TSGA10IP: variants seen among roughly 807,000 people sequenced by gnomAD.
The protein encoded by TSGA10IP is testis specific 10 interacting protein.
TSGA10IP carries 64 observed loss-of-function variants against 63.2 expected under a neutral mutation model. The ratio of observed to expected loss-of-function variants is 1.01; its 90% confidence interval spans 0.83 to 1.25. The LOEUF (loss-of-function observed/expected upper bound fraction) is 1.25. Ranked by LOEUF, TSGA10IP falls within the 50% of genes most tolerant of loss-of-function variation. TSGA10IP has a pLI of 0.00. For missense variants in TSGA10IP, 681 were observed against 710.1 expected, an observed-to-expected ratio of 0.96 and a Z score of 0.47; for synonymous variants, 316 against 298.3, an observed-to-expected ratio of 1.06 and a Z score of -0.61.
chr11:65,949,885 G>C (rs1180701820), intron 4 of TSGA10IP, among the ~76,000 whole-genome samples: 1 of 86,664 alleles, frequency 1.2e-5, no homozygotes, highest in Admixed American at 1.9e-4. Flanking sequence ...ACAGAGTCTT[G>C]CTCTGTTCCC....
chr11:65,958,120 AT>A (rs1018463038), intron 5 of TSGA10IP, among the ~76,000 whole-genome samples: 1 of 151,938 alleles, frequency 6.6e-6, no homozygotes, highest in African/African-American at 2.4e-5. Flanking sequence ...TGTCTGGCTA[AT>A]TTTTGTAGAG....
intron 4 of TSGA10IP, among the ~76,000 whole-genome samples, chr11:65,949,822 C>A (rs1235774905): frequency 6.9e-6 from 1 of 145,498 alleles, no homozygotes; most frequent in East Asian, 2.1e-4. Flanking sequence ...AGGTCTAAAT[C>A]AAACTAATTA....
exon 3 of TSGA10IP, chr11:65,947,487 G>A (rs1854859488): frequency 6.2e-7 from 1 of 1,613,296 alleles, no homozygotes; most frequent in Non-Finnish European, 8.5e-7. Context: ...CAAAGCCTGG[G>A]TGCTGAGGAG....
intron 4 of TSGA10IP, among the ~76,000 whole-genome samples, chr11:65,950,642 A>C (rs1854926659): frequency 6.6e-6 from 1 of 151,502 alleles, no homozygotes; most frequent in South Asian, 2.1e-4. Flanking sequence ...AGCTCACTGC[A>C]AGCTCCGCCT....
At chr11:65,947,734 A>C in exon 3 of TSGA10IP, 1 of 1,592,638 alleles carries the variant, frequency 6.3e-7, no homozygotes, top group Non-Finnish European at 8.5e-7. Context: ...ACAACCTCCG[A>C]AGGCGACAAT....
Position 65,949,729 on chromosome 11 carries a change from A to T in TSGA10IP, c.1151+1581A>T, listed in dbSNP as rs181046439. 2.1e-3 allele frequency among the ~76,000 whole-genome samples: 311 copies of T among 151,450 alleles called. 3 individuals carry two copies. Among genetic ancestry groups the T allele is most frequent in the African/African-American group, 6.4e-3 (266 of 41,284 alleles). On this transcript the variant is annotated intron_variant, in intron 4 of 7. Transcript: ENST00000532620. ...TGCGCCCAGCCACAATTCTTTTTTT[A>T]AAATTTATTTTATGTAATTGATAAA...
At chr11:65,947,001 C>T in exon 2 of TSGA10IP, 2 of 1,613,966 alleles carry the variant, frequency 1.2e-6, no homozygotes, top group Non-Finnish European at 1.7e-6. Context: ...GGACAGGGCT[C>T]TGAAGAGTCT....
At chr11:65,955,980 T>C (rs573278448) in intron 5 of TSGA10IP, among the ~76,000 whole-genome samples, 18 of 152,024 alleles carry the variant, frequency 1.2e-4, no homozygotes, top group Admixed American at 9.8e-4. Flanking sequence ...ACCAGTGCCA[T>C]TGATTTGAGC....
intron 5 of TSGA10IP, among the ~76,000 whole-genome samples, chr11:65,956,813 G>A (rs1405935327): frequency 6.6e-6 from 1 of 152,170 alleles, no homozygotes. Flanking sequence ...ACAGGCGTGA[G>A]CCACCGCGCC....
At chr11:65,946,008 G>T in intron 1 of TSGA10IP, 186 bp downstream of exon 1, 1 of 645,072 alleles carries the variant, frequency 1.6e-6, no homozygotes, top group Non-Finnish European at 2.6e-6. Context: ...GAGGGATGAC[G>T]CCCAGGAGTG....
exon 1 of TSGA10IP, chr11:65,945,652 G>GGTGC: frequency 6.2e-7 from 1 of 1,610,392 alleles, no homozygotes; most frequent in Non-Finnish European, 8.5e-7. Flanking sequence ...GCAGTTCTAC[G>GGTGC]GTGCGGATGG....
exon 7 of TSGA10IP, chr11:65,959,211 A>C (rs1175888856): frequency 6.2e-7 from 1 of 1,606,052 alleles, no homozygotes; most frequent in African/African-American, 1.3e-5. Context: ...GCTCACCGTC[A>C]CTCGGCGCTT....
rs780568148 is a variant in TSGA10IP, at chr11:65,947,831, G to A, written c.1003+3G>A. 1.3e-6 allele frequency: 2 copies of A among 1,547,322 alleles called. No homozygotes were observed. The highest frequency in any genetic ancestry group is 1.7e-6 in the Non-Finnish European group (2 of 1,145,836). ...GCTACAGAGAGACCTGGACTGTGGTGAGCGTGGGGCTCAGAGCCTGGATTC... is the reference window on the plus strand; with the variant it reads ...GCTACAGAGAGACCTGGACTGTGGTAAGCGTGGGGCTCAGAGCCTGGATTC... On this transcript the variant is annotated splice_donor_region_variant and intron_variant, in intron 3 of 7. Coordinates refer to ENST00000532620, the Ensembl canonical transcript of TSGA10IP.
chr11:65,955,837 G>A (rs890001850), intron 5 of TSGA10IP, among the ~76,000 whole-genome samples: 3 of 152,112 alleles, frequency 2.0e-5, no homozygotes, highest in Non-Finnish European at 4.4e-5. Flanking sequence ...AGCAGAATTG[G>A]GTTCCAGCCA....
intron 4 of TSGA10IP, among the ~76,000 whole-genome samples, chr11:65,951,516 A>ATTTTATTAT (rs1854940754): frequency 1.7e-5 from 1 of 59,234 alleles, no homozygotes; most frequent in African/African-American, 6.6e-5. Context: ...TTATTTGCTT[A>ATTTTATTAT]TTTTATTATT....
chr11:65,953,664 C>A, exon 5 of TSGA10IP: 1 of 1,591,632 alleles, frequency 6.3e-7, no homozygotes, highest in South Asian at 1.1e-5. Context: ...GCAGGTGGCC[C>A]ACTGCCTGGC....
chr11:65,956,859 G>A (rs549797847), intron 5 of TSGA10IP, among the ~76,000 whole-genome samples: 1 of 152,298 alleles, frequency 6.6e-6, no homozygotes, highest in South Asian at 2.1e-4. Flanking sequence ...GAGGCAGGAA[G>A]TGTAAGGTTC....
rs528780458 is a variant in TSGA10IP at position 65,947,244 on chromosome 11, C to T, written c.419C>T (p.Ser140Leu). Residue 140 changes from serine to leucine, a missense_variant, in exon 3 of 8, where the codon TCG becomes TTG. By Grantham distance (145) the Ser-to-Leu change is moderately radical (BLOSUM62 -2). Coordinates refer to ENST00000532620, the Ensembl canonical transcript of TSGA10IP. Reference sequence around the variant, plus strand: ...CACCAAGCCCTGCCCATGCCCTCCTCGTTCTCCCAGCGTCAGTCCAGGCGC... The same window carrying T: ...CACCAAGCCCTGCCCATGCCCTCCTTGTTCTCCCAGCGTCAGTCCAGGCGC... 8.9e-5 allele frequency: 143 copies of T among 1,610,386 alleles called. 1 individual carries two copies. In the South Asian group the frequency reaches 9.7e-4, roughly 11 times the overall value.
chr11:65,952,625 T>A (rs1270915059), intron 4 of TSGA10IP, among the ~76,000 whole-genome samples: 1 of 151,000 alleles, frequency 6.6e-6, no homozygotes, highest in Non-Finnish European at 1.5e-5. Flanking sequence ...ATTTTTTGTA[T>A]GTTCAGTACA....
Sources: allele counts gnomAD v4.1 joint callset (sites outside exome capture counted in the v4.1 genomes callset), GRCh38; gene constraint gnomAD v4.1.1; transcripts MANE v1.5; gene names NCBI Gene and HGNC (gene_info 2026-07-23, HGNC 2026-07-21).